The following EML2 variants were observed in gnomAD, a reference collection of about 807,000 sequenced individuals.
EML2 encodes EMAP like 2.
In EML2, 59 loss-of-function variants were observed where a neutral mutation model predicts 84.7. The observed-to-expected ratio is 0.70, with a 90% CI of 0.56 to 0.86. EML2 has a LOEUF of 0.86. Among genes scored for constraint, EML2 ranks in the 40% least tolerant of loss-of-function variants. The probability of loss-of-function intolerance (pLI) is 0.00; values close to 1 mark genes in which losing one functional copy is unlikely to be tolerated. For missense variants in EML2, 818 were observed against 855.6 expected (o/e 0.96, Z 0.55); for synonymous variants, 352 against 348.9 (o/e 1.01, Z -0.10).
In EML2 at chr19:45,634,416, C is replaced by G; in HGVS notation, c.235G>C (p.Glu79Gln). The change falls in exon 4 of 19, where the codon GAG becomes CAG. Residue 79 changes from glutamate to glutamine, a missense_variant. Physicochemically the swap from Glu to Gln is conservative, Grantham distance 29 (BLOSUM62 2). Coordinates refer to ENST00000245925, the MANE Select transcript of EML2 (RefSeq NM_012155.4). ...RANLYLLPTG[E>Q]IVYFVASVAV... The stretch of plus-strand genomic sequence containing the variant: ...ACGGAGGCCACAAAGTACACTATCT[C>G]CCCGGTGGGCAGCAAATAAAGGTTG... 6.2e-7 allele frequency: 1 copy of G among 1,614,022 alleles called. No individual in the cohort carries two copies. The highest frequency in any genetic ancestry group is 1.7e-5 in the Admixed American group (1 of 59,984).
chr19:45,643,329 A>G (rs535426553), upstream of EML2, among the ~76,000 whole-genome samples: 35 of 152,202 alleles, frequency 2.3e-4, no homozygotes, highest in East Asian at 7.7e-4. Context: ...AGCGCATGGC[A>G]GACCCAGAAG....
At chr19:45,623,408 C>T (rs910700001) in intron 9 of EML2, 5 of 151,828 alleles carry the variant, frequency 3.3e-5, no homozygotes, top group Non-Finnish European at 7.4e-5. Context: ...GTGGTGGGCA[C>T]CTGTAGTCCC....
intron 6 of EML2, among the ~76,000 whole-genome samples, chr19:45,630,787 A>G (rs574796563): frequency 6.6e-6 from 1 of 152,292 alleles, no homozygotes; most frequent in East Asian, 1.9e-4. Context: ...ATATATAGAG[A>G]ATGACTGATG....
In EML2 at chr19:45,616,769, G is replaced by A. The variant is rs1156724468; in HGVS notation, c.1407C>T (p.Ser469=). Residue 469 remains serine (S), a synonymous_variant, in exon 14 of 19, where the codon TCC becomes TCT. Coordinates refer to ENST00000245925, the MANE Select transcript of EML2 (RefSeq NM_012155.4). ...TGTCCCAGGCCTGCCGCTTACCTGG[G>A]GAGAAGCTGACCACTGAGATCTGTT... ...GNEQISVVSF[S]PDGAYLAVGS... 5.0e-6 allele frequency: 8 copies of A among 1,612,720 alleles called. No homozygotes were observed. The highest frequency in any genetic ancestry group is 6.8e-6 in the Non-Finnish European group (8 of 1,179,704).
chr19:45,620,866 T>C, intron 11 of EML2: 1 of 408,168 alleles, frequency 2.4e-6, no homozygotes, highest in Non-Finnish European at 4.7e-6. Flanking sequence ...AGCAGGACCT[T>C]CCCCAATCCG....
At chr19:45,645,142 C>T (rs1974933183), upstream of EML2, 1 of 1,076,758 alleles carries the variant, frequency 9.3e-7, no homozygotes, top group Non-Finnish European at 1.3e-6. Context: ...GGTCAGGGTC[C>T]TGCTGAGGGA....
At chr19:45,642,064 C>G (rs764658200), upstream of EML2, 315 of 1,444,510 alleles carry the variant, frequency 2.2e-4, 1 homozygote, top group African/African-American at 3.9e-3. Flanking sequence ...GGTTAGGGGA[C>G]AGAAGAGGGT....
In EML2 at chr19:45,626,709, A is replaced by T. The variant is rs1176839283; in HGVS notation, c.737T>A (p.Phe246Tyr). The stretch of plus-strand genomic sequence containing the variant: ...CCCCAAACCCCTGGCACTCACCTCA[A>T]AGAGGCCTTGCCGCTTGCTCAAGCT... ...GGSLSKRQGLFEKHEKPKYVL... is the reference protein window; with the variant it reads ...GGSLSKRQGLYEKHEKPKYVL... Residue 246 changes from phenylalanine to tyrosine, a missense_variant, in exon 8 of 19, where the codon TTT (phenylalanine) becomes TAT (tyrosine). Transcript: ENST00000245925. 6.2e-7 allele frequency: 1 copy of T among 1,613,096 alleles called. No individual in the cohort carries two copies. Among genetic ancestry groups the T allele is most frequent in the East Asian group, 2.2e-5 (1 of 44,836 alleles).
At chr19:45,621,748 AC>A in intron 9 of EML2, 111 bp from the exon 10 acceptor site, 1 of 1,058,538 alleles carries the variant, frequency 9.4e-7, no homozygotes, top group Non-Finnish European at 1.3e-6. Context: ...CCACTTTTCC[AC>A]CTTTTTTTTT....
chr19:45,613,779 A>G (rs1281586824), intron 17 of EML2, 108 bp from the exon 18 acceptor site: 30 of 1,381,098 alleles, frequency 2.2e-5, no homozygotes, highest in Non-Finnish European at 2.8e-5. Context: ...CCTAGCCTGT[A>G]TCTATCCGAG....
At chr19:45,631,139 G>A (rs1197941314) in intron 6 of EML2, among the ~76,000 whole-genome samples, 2 of 151,932 alleles carry the variant, frequency 1.3e-5, no homozygotes, top group Non-Finnish European at 2.9e-5. Flanking sequence ...GAGCCACCTC[G>A]CCTGGCCAAT....
At chr19:45,639,229 A>G in intron 1 of EML2, 128 bp downstream of exon 1, 1 of 1,025,756 alleles carries the variant, frequency 9.7e-7, no homozygotes, top group East Asian at 2.9e-5. Context: ...AGAGGGAGAA[A>G]CGGGGAGAGT....
At chr19:45,626,933 T>G (rs1548026) in intron 7 of EML2, 94 bp from the exon 8 acceptor site, 685,543 of 1,240,408 alleles carry the variant, frequency 0.55, 196,892 homozygotes, top group African/African-American at 0.87. Context: ...CGGCTGTTTG[T>G]GTTGTATGCT....
At chr19:45,642,790 GTC>G, upstream of EML2, 1 of 152,678 alleles carries the variant, frequency 6.5e-6, no homozygotes, top group East Asian at 1.9e-4. Context: ...GTGAAACCCC[GTC>G]TCTACTAAAA....
intron 2 of EML2, 101 bp from the exon 3 acceptor site, chr19:45,638,735 C>T: frequency 6.3e-7 from 1 of 1,588,372 alleles, no homozygotes; most frequent in Non-Finnish European, 8.6e-7. Flanking sequence ...GGCAGGGAAA[C>T]TGAGGCCAGA....
intron 9 of EML2, among the ~76,000 whole-genome samples, chr19:45,621,924 C>T (rs1046644215): frequency 2.6e-5 from 4 of 151,380 alleles, no homozygotes; most frequent in African/African-American, 9.7e-5. Context: ...TTTTGTTTCT[C>T]GTAGAGATGG....
In EML2 at chr19:45,621,593, C is replaced by CGCCG; in HGVS notation, c.882_885dup (p.Gly296ArgfsTer21). On this transcript the variant is annotated frameshift_variant, in exon 10 of 19. Coordinates refer to ENST00000245925, the MANE Select transcript of EML2 (RefSeq NM_012155.4). LOFTEE classifies it high-confidence loss of function. Reference sequence around the variant, plus strand: ...CGCAGGGCGCAGAGCCCAAACACGCCGCCGTCGTGGGCGCCCAGCACCGCC... The same window carrying CGCCG: ...CGCAGGGCGCAGAGCCCAAACACGCCGCCGGCCGTCGTGGGCGCCCAGCACCGCC... 1 of 1,611,156 alleles carries CGCCG rather than the reference C, an allele frequency of 6.2e-7. No homozygotes were observed. Among genetic ancestry groups the CGCCG allele is most frequent in the Non-Finnish European group, 8.5e-7 (1 of 1,179,792 alleles).
upstream of EML2, chr19:45,643,445 T>A (rs1477682087): frequency 4.2e-5 from 41 of 983,446 alleles, no homozygotes; most frequent in Non-Finnish European, 5.9e-5. Context: ...GCGCCCCAGA[T>A]TTGGCTCTCC....
intron 14 of EML2, 53 bp from the exon 15 acceptor site, chr19:45,616,611 T>C: frequency 1.4e-6 from 2 of 1,472,736 alleles, no homozygotes; most frequent in Non-Finnish European, 9.4e-7. Context: ...CATCCCCTCC[T>C]CGCCCAGACT....
Sources: allele counts gnomAD v4.1 joint callset (sites outside exome capture counted in the v4.1 genomes callset), GRCh38; gene constraint gnomAD v4.1.1; transcripts MANE v1.5; gene names NCBI Gene and HGNC (gene_info 2026-07-23, HGNC 2026-07-21).